Variants in PPP2R3A observed in about 807,000 individuals in gnomAD.
The protein encoded by PPP2R3A is serine/threonine-protein phosphatase 2A regulatory subunit B'' subunit alpha.
Under a neutral mutation model 106.9 loss-of-function variants are expected in PPP2R3A, and 80 were observed. The observed-to-expected ratio is 0.75, with a 90% CI of 0.62 to 0.90. The LOEUF is 0.90. Ranked by LOEUF, PPP2R3A falls within the 40% of genes least tolerant of loss-of-function variation. The probability of loss-of-function intolerance (pLI) is 0.00; values close to 1 mark genes in which losing one functional copy is unlikely to be tolerated. For missense variants in PPP2R3A, 1,386 were observed against 1,350.4 expected (o/e 1.03, Z -0.41); for synonymous variants, 483 against 468.3 (o/e 1.03, Z -0.41).
intron 5 of PPP2R3A, among the ~76,000 whole-genome samples, chr3:136,058,898 T>C (rs1451493199): frequency 6.6e-6 from 1 of 152,162 alleles, no homozygotes. Context: ...TGGGAAAGGA[T>C]TCCCTATTCA....
chr3:136,143,943 T>C (rs978673588), intron 13 of PPP2R3A, among the ~76,000 whole-genome samples: 2 of 152,232 alleles, frequency 1.3e-5, no homozygotes, highest in Non-Finnish European at 2.9e-5. Flanking sequence ...TTAAATATTG[T>C]GGGAGATCCC....
chr3:136,028,900 T>G (rs1041140338), intron 3 of PPP2R3A, among the ~76,000 whole-genome samples: 37 of 152,198 alleles, frequency 2.4e-4, no homozygotes, highest in African/African-American at 8.7e-4. Flanking sequence ...TTGCCCAGGC[T>G]GGAGTGCAAT....
intron 1 of PPP2R3A, among the ~76,000 whole-genome samples, chr3:135,996,988 C>T (rs895112259): frequency 2.6e-5 from 4 of 152,156 alleles, no homozygotes; most frequent in African/African-American, 9.7e-5. Flanking sequence ...AGGTATCCAC[C>T]TTCCTCTGAG....
Position 136,090,636 on chromosome 3 carries a change from A to G in PPP2R3A, c.2896A>G (p.Ile966Val), listed in dbSNP as rs779703316. The change falls in exon 10 of 14, where the codon ATC (isoleucine) becomes GTC (valine). Residue 966 changes from isoleucine (I) to valine (V), a missense_variant. Physicochemically the swap from Ile to Val is conservative, Grantham distance 29 (BLOSUM62 3). Coordinates refer to ENST00000264977, the MANE Select transcript of PPP2R3A (RefSeq NM_002718.5). ...MSYADFVWFLISEEDKRNPTS... is the reference protein window; with the variant it reads ...MSYADFVWFLVSEEDKRNPTS... ...CTATGCAGATTTTGTTTGGTTTTTGATCTCTGAAGAAGACAAAAGGAATCC... is the reference window on the plus strand; with the variant it reads ...CTATGCAGATTTTGTTTGGTTTTTGGTCTCTGAAGAAGACAAAAGGAATCC... 12 of 1,613,514 alleles carry G rather than the reference A, an allele frequency of 7.4e-6. No individual in the cohort carries two copies. The highest frequency in any genetic ancestry group is 9.3e-6 in the Non-Finnish European group (11 of 1,179,626).
chr3:136,074,413 A>G (rs1201952623), intron 6 of PPP2R3A, among the ~76,000 whole-genome samples: 1 of 152,246 alleles, frequency 6.6e-6, no homozygotes, highest in East Asian at 1.9e-4. Flanking sequence ...TATTTCCAAA[A>G]AGATTTAGAA....
rs763815266 is a variant in PPP2R3A, at chr3:136,003,327, C to CA, written c.1831dup (p.Ser611LysfsTer31). 3 of 1,613,922 alleles carry CA rather than the reference C, an allele frequency of 1.9e-6. No homozygotes were observed. In the South Asian group the frequency reaches 3.3e-5, roughly 18 times the overall value. ...GCTCAAGAACTAGTTGAATGCAAAT[C>CA]AAGCAGAGGGAGCCTATCACAAGAA... On this transcript the variant is annotated frameshift_variant, in exon 2 of 14. Transcript: ENST00000264977. LOFTEE classifies it high-confidence loss of function.
chr3:136,013,407 T>C lies in PPP2R3A; in HGVS notation c.1995+9914T>C, dbSNP rs191231374. Reference sequence around the variant, plus strand: ...TGCTGGATCAAATGGTAGATCTACTTTCAGTTCTTTAAGGAATTTTCATAC... The same window carrying C: ...TGCTGGATCAAATGGTAGATCTACTCTCAGTTCTTTAAGGAATTTTCATAC... On this transcript the variant is annotated intron_variant, in intron 2 of 13. Transcript: ENST00000264977. 4.3e-4 allele frequency among the ~76,000 whole-genome samples: 65 copies of C among 152,268 alleles called. 1 individual carries two copies. Among genetic ancestry groups the C allele is most frequent in the African/African-American group, 1.5e-3 (63 of 41,568 alleles).
rs1939133187 is a variant in PPP2R3A at position 136,146,526 on chromosome 3, GAAAT to G, written c.*1366_*1369del. The G allele has an allele frequency of 6.6e-6, 1 of 152,070 alleles. No homozygotes were observed. Among genetic ancestry groups the G allele is most frequent in the Admixed American group, 6.5e-5 (1 of 15,274 alleles). 9.4% of individuals were successfully genotyped at this position (152,070 alleles called of 1,614,324 possible). A position where few individuals can be genotyped will look rare whatever the true frequency, so the allele number is the denominator to read the frequency against. On this transcript the variant is annotated 3_prime_UTR_variant, in exon 14 of 14. Coordinates refer to ENST00000264977, the MANE Select transcript of PPP2R3A (RefSeq NM_002718.5). ...AGGCAAAAAGAAAAGGAGAATTTAG[GAAAT>G]AAATATGCTATAAACAAGGTACAGT...
chr3:136,144,189 CAGA>C (rs1183075485), intron 13 of PPP2R3A, among the ~76,000 whole-genome samples: 2 of 152,192 alleles, frequency 1.3e-5, no homozygotes, highest in South Asian at 2.1e-4. Context: ...AAAGGTTTAG[CAGA>C]AGGACATCTT....
intron 3 of PPP2R3A, among the ~76,000 whole-genome samples, chr3:136,038,398 G>T (rs1480793025): frequency 1.3e-5 from 2 of 152,104 alleles, no homozygotes; most frequent in African/African-American, 4.8e-5. Flanking sequence ...TTATGAGCTG[G>T]TGTATATCCA....
At chr3:135,966,091 C>T (rs993337350) in intron 1 of PPP2R3A, among the ~76,000 whole-genome samples, 1 of 151,994 alleles carries the variant, frequency 6.6e-6, no homozygotes, top group African/African-American at 2.4e-5. Flanking sequence ...TCCCGGGACA[C>T]GGCACCAGGG....
At chr3:136,050,758 A>G (rs72983456) in intron 5 of PPP2R3A, among the ~76,000 whole-genome samples, 4,941 of 152,170 alleles carry the variant, frequency 0.032, 274 homozygotes, top group African/African-American at 0.11. Flanking sequence ...TCCTGCTGCC[A>G]TGTTCCCTTA....
At chr3:136,106,945 A>C (rs1353384820) in intron 13 of PPP2R3A, 2 of 127,576 alleles carry the variant, frequency 1.6e-5, no homozygotes, top group Admixed American at 1.4e-4. Flanking sequence ...AAAAAAAAAA[A>C]AAAAAAAAAC....
intron 2 of PPP2R3A, among the ~76,000 whole-genome samples, chr3:136,007,192 C>G (rs1007055011): frequency 6.6e-6 from 1 of 152,236 alleles, no homozygotes; most frequent in African/African-American, 2.4e-5. Flanking sequence ...GTGAATCTCT[C>G]TTAAGTTTCC....
Position 136,070,469 on chromosome 3 carries a change from C to T in PPP2R3A, c.2470-9C>T, listed in dbSNP as rs1408354248. 6.3e-7 allele frequency: 1 copy of T among 1,586,728 alleles called. No homozygotes were observed. The highest frequency in any genetic ancestry group is 1.4e-5 in the African/African-American group (1 of 73,146). ...TTGTTAATTTAGTTTTGGTTTTGAT[C>T]TTTTTCAGGATGTGGTGGATACCCA... On this transcript the variant is annotated splice_polypyrimidine_tract_variant and intron_variant, in intron 5 of 13. Coordinates refer to ENST00000264977, the MANE Select transcript of PPP2R3A (RefSeq NM_002718.5).
rs1937422849 is a variant in PPP2R3A at position 136,103,202 on chromosome 3, C to T, written c.3104-56C>T. ...TTTTAGATGTCAGGGAAAGTTTTTTCCTCTTGCCAAAACAGCTCTTGATGA... is the reference window on the plus strand; with the variant it reads ...TTTTAGATGTCAGGGAAAGTTTTTTTCTCTTGCCAAAACAGCTCTTGATGA... On this transcript the variant is annotated intron_variant, in intron 11 of 13. Coordinates refer to ENST00000264977, the MANE Select transcript of PPP2R3A (RefSeq NM_002718.5). 2.5e-6 allele frequency: 3 copies of T among 1,201,134 alleles called. No individual in the cohort carries two copies. The South Asian group carries it at 4.4e-5, about 18-fold the overall frequency. 74.4% of individuals were successfully genotyped at this position (1,201,134 alleles called of 1,614,324 possible). A position where few individuals can be genotyped will look rare whatever the true frequency, so the allele number is the denominator to read the frequency against.
At chr3:136,098,810 C>G (rs2107960704) in intron 10 of PPP2R3A, among the ~76,000 whole-genome samples, 1 of 152,208 alleles carries the variant, frequency 6.6e-6, no homozygotes, top group African/African-American at 2.4e-5. Flanking sequence ...TACTAGGAAC[C>G]TTGGAAGTGG....
At chr3:136,127,752 G>C (rs915768912) in intron 13 of PPP2R3A, among the ~76,000 whole-genome samples, 1 of 152,146 alleles carries the variant, frequency 6.6e-6, no homozygotes, top group Non-Finnish European at 1.5e-5. Flanking sequence ...AGTGCTAAGG[G>C]CAGCCAGAGA....
At chr3:135,974,564 A>G (rs1937358000) in intron 1 of PPP2R3A, among the ~76,000 whole-genome samples, 1 of 152,166 alleles carries the variant, frequency 6.6e-6, no homozygotes, top group Non-Finnish European at 1.5e-5. Flanking sequence ...GTCCCAGTCA[A>G]AAAGGGGACT....
Sources: allele counts gnomAD v4.1 joint callset (sites outside exome capture counted in the v4.1 genomes callset), GRCh38; gene constraint gnomAD v4.1.1; transcripts MANE v1.5; gene names NCBI Gene and HGNC (gene_info 2026-07-23, HGNC 2026-07-21).